Variants in MAGI1 observed in about 807,000 individuals in gnomAD.
The protein encoded by MAGI1 is membrane associated guanylate kinase, WW and PDZ domain containing 1.
In MAGI1, 58 loss-of-function variants were observed where a neutral mutation model predicts 139.9. That is an observed-to-expected ratio of 0.41 (90% CI 0.34 to 0.52). The LOEUF (loss-of-function observed/expected upper bound fraction) is 0.52. Ranked by LOEUF, MAGI1 falls within the 20% of genes least tolerant of loss-of-function variation. The pLI is 0.12. For synonymous variants in MAGI1, 812 were observed against 737.9 expected, an observed-to-expected ratio of 1.10 and a Z score of -1.63; for missense variants, 1,874 against 1,901.6, an observed-to-expected ratio of 0.99 and a Z score of 0.27.
chr3:65,620,648 A>G (rs1278375094), intron 2 of MAGI1, among the ~76,000 whole-genome samples: 1 of 152,238 alleles, frequency 6.6e-6, no homozygotes, highest in Non-Finnish European at 1.5e-5. Flanking sequence ...CTAGGACTAC[A>G]GTTTATAACT....
intron 1 of MAGI1, among the ~76,000 whole-genome samples, chr3:65,774,807 A>G (rs1211442177): frequency 6.6e-6 from 1 of 152,208 alleles, no homozygotes; most frequent in Non-Finnish European, 1.5e-5. Flanking sequence ...TGTGCCTAAC[A>G]AGGGGTTCTA....
At chr3:65,613,388 A>T (rs1316358893) in intron 2 of MAGI1, among the ~76,000 whole-genome samples, 1 of 152,208 alleles carries the variant, frequency 6.6e-6, no homozygotes, top group African/African-American at 2.4e-5. Flanking sequence ...TGTTTTCACA[A>T]GAAGATTATA....
chr3:65,499,730 T>C (rs1227323456), intron 2 of MAGI1, among the ~76,000 whole-genome samples: 2 of 152,236 alleles, frequency 1.3e-5, no homozygotes, highest in African/African-American at 4.8e-5. Flanking sequence ...AAACTATCAC[T>C]GCATTTCATT....
In MAGI1 at chr3:65,779,395, A is replaced by G. The variant is rs76559482; in HGVS notation, c.314-157307T>C. Among the ~76,000 whole-genome samples, 1,116 of 152,346 alleles carry G rather than the reference A, an allele frequency of 7.3e-3. 32 individuals are homozygous for G. Among genetic ancestry groups the G allele is most frequent in the East Asian group, 0.063 (328 of 5,180 alleles). ...AGGTAAGAAGGGCCGGGAGGGGACT[A>G]TATCAGATGCCATACACTAAAGCAC... On this transcript the variant is annotated intron_variant, in intron 1 of 22. Transcript: ENST00000402939.
intron 1 of MAGI1, among the ~76,000 whole-genome samples, chr3:65,918,133 AGAAT>A: frequency 1.0e-5 from 1 of 97,796 alleles, no homozygotes; most frequent in South Asian, 2.9e-4. Context: ...GAAAAATAAA[AGAAT>A]GAAACTAATT....
chr3:65,417,651 C>T lies in MAGI1; in HGVS notation c.2167+11869G>A, dbSNP rs531856747. Among the ~76,000 whole-genome samples the T allele has an allele frequency of 3.4e-3, 520 of 152,010 alleles. 1 individual carries two copies. The highest frequency in any genetic ancestry group is 0.012 in the African/African-American group (502 of 41,444). ...AGGCCTGCACATTCATGTATGATAT[C>T]ATTGCCTTTCTTGATGTTTTTGTGT... On this transcript the variant is annotated intron_variant, in intron 12 of 22. Coordinates refer to ENST00000402939, the MANE Select transcript of MAGI1 (RefSeq NM_001033057.2).
intron 1 of MAGI1, among the ~76,000 whole-genome samples, chr3:65,632,217 A>G (rs909276833): frequency 2.0e-5 from 3 of 152,196 alleles, no homozygotes; most frequent in Non-Finnish European, 4.4e-5. Context: ...GGCAGTTTCT[A>G]CCAAATCTGG....
At chr3:65,682,115 G>A (rs540989996) in intron 1 of MAGI1, among the ~76,000 whole-genome samples, 1 of 152,176 alleles carries the variant, frequency 6.6e-6, no homozygotes, top group South Asian at 2.1e-4. Context: ...CTGGAAAAGG[G>A]GAATTTATTT....
intron 2 of MAGI1, among the ~76,000 whole-genome samples, chr3:65,562,781 A>C (rs991728913): frequency 1.3e-5 from 2 of 152,220 alleles, no homozygotes; most frequent in Non-Finnish European, 2.9e-5. Flanking sequence ...GAGACCAGTA[A>C]ACGATGAGTT....
chr3:65,419,334 C>T (rs141727356), intron 12 of MAGI1, among the ~76,000 whole-genome samples: 4 of 152,096 alleles, frequency 2.6e-5, no homozygotes, highest in Non-Finnish European at 5.9e-5. Context: ...GGTATACACA[C>T]ACAGTAAATA....
At chr3:66,018,934 G>A (rs114990776) in intron 1 of MAGI1, among the ~76,000 whole-genome samples, 13 of 151,596 alleles carry the variant, frequency 8.6e-5, no homozygotes, top group South Asian at 2.1e-4. Flanking sequence ...GTAAATTCTC[G>A]TATCTTCCCT....
chr3:66,019,565 T>C (rs1054813140), intron 1 of MAGI1, among the ~76,000 whole-genome samples: 1 of 152,236 alleles, frequency 6.6e-6, no homozygotes, highest in Non-Finnish European at 1.5e-5. Context: ...TAAGACTTGG[T>C]TTCTTCATCA....
At chr3:65,446,089 T>C (rs1227241806) in intron 7 of MAGI1, among the ~76,000 whole-genome samples, 1 of 152,196 alleles carries the variant, frequency 6.6e-6, no homozygotes, top group Non-Finnish European at 1.5e-5. Flanking sequence ...ATTTGGGCCA[T>C]TTCTATAATA....
chr3:65,479,122 C>A (rs1007919452), intron 3 of MAGI1, among the ~76,000 whole-genome samples: 1 of 152,154 alleles, frequency 6.6e-6, no homozygotes, highest in Admixed American at 6.5e-5. Flanking sequence ...TACATATATG[C>A]ACCAGCATAA....
At chr3:65,568,426 C>G (rs2080782119) in intron 2 of MAGI1, among the ~76,000 whole-genome samples, 1 of 152,022 alleles carries the variant, frequency 6.6e-6, no homozygotes, top group Admixed American at 6.6e-5. Flanking sequence ...ATCATCAAAT[C>G]AGGGCACATA....
At chr3:65,725,132 C>A (rs530906194) in intron 1 of MAGI1, among the ~76,000 whole-genome samples, 6 of 152,274 alleles carry the variant, frequency 3.9e-5, no homozygotes, top group Admixed American at 3.9e-4. Context: ...AAATGAGATT[C>A]CTTTGCAACA....
intron 1 of MAGI1, among the ~76,000 whole-genome samples, chr3:65,662,274 C>T (rs2086242427): frequency 6.6e-6 from 1 of 152,220 alleles, no homozygotes; most frequent in African/African-American, 2.4e-5. Context: ...TTACATATGA[C>T]ATTCAAATGA....
chr3:65,734,505 G>GAGAGAGAAAGAAAGAGAGAAAGAA lies in MAGI1; in HGVS notation c.314-112418_314-112417insTTCTTTCTCTCTTTCTTTCTCTCT, dbSNP rs11276423. Among the ~76,000 whole-genome samples, 1,069 of 140,424 alleles carry GAGAGAGAAAGAAAGAGAGAAAGAA rather than the reference G, an allele frequency of 7.6e-3. 13 individuals are homozygous for GAGAGAGAAAGAAAGAGAGAAAGAA. Among genetic ancestry groups the GAGAGAGAAAGAAAGAGAGAAAGAA allele is most frequent in the African/African-American group, 0.025 (902 of 35,714 alleles). The allele number at this position is 140,424 out of a possible 152,430, so 92.1% of individuals were successfully genotyped here. ...AGAGAAAGAAAGAGAGAAAGAGGAA[G>GAGAGAGAAAGAAAGAGAGAAAGAA]AGAGAGAAAGAAAGAGAGAAAGAGA... On this transcript the variant is annotated intron_variant, in intron 1 of 22. Coordinates refer to ENST00000402939, the MANE Select transcript of MAGI1 (RefSeq NM_001033057.2).
intron 1 of MAGI1, among the ~76,000 whole-genome samples, chr3:65,669,047 C>T (rs1291564006): frequency 6.6e-6 from 1 of 152,064 alleles, no homozygotes; most frequent in Non-Finnish European, 1.5e-5. Context: ...AAGCAATTCT[C>T]TACCTCAGCC....
Sources: gnomAD v4.1 joint callset for allele counts (sites outside exome capture counted in the v4.1 genomes callset) on GRCh38, gnomAD v4.1.1 for gene constraint, MANE v1.5 for transcripts, NCBI Gene and HGNC (gene_info 2026-07-23, HGNC 2026-07-21) for gene names.